SPMIP2: variants seen among roughly 807,000 people sequenced by gnomAD.
The protein encoded by SPMIP2 is sperm microtubule inner protein 2, also known as protein SPMIP2.
the SPMIP2 span, chr4:158,960,330 A>G: frequency 6.4e-7 from 1 of 1,565,376 alleles, no homozygotes; most frequent in Non-Finnish European, 8.8e-7. Flanking sequence ...GAGAAGCTTG[A>G]CTTAGTTCTT....
chr4:159,027,693 T>A, the SPMIP2 span, among the ~76,000 whole-genome samples: 21 of 152,346 alleles, frequency 1.4e-4, 1 homozygote, highest in Middle Eastern at 3.4e-3. Flanking sequence ...TGTGAAGTCA[T>A]TTTCTATTTT....
At chr4:158,980,062 C>A in the SPMIP2 span, among the ~76,000 whole-genome samples, 1 of 151,964 alleles carries the variant, frequency 6.6e-6, no homozygotes, top group African/African-American at 2.4e-5. Flanking sequence ...GGTGGTTTTC[C>A]CCTCACAGTG....
At chr4:158,928,647 A>C in the SPMIP2 span, among the ~76,000 whole-genome samples, 1 of 152,208 alleles carries the variant, frequency 6.6e-6, no homozygotes, top group African/African-American at 2.4e-5. Context: ...TGCCAGAGCC[A>C]GCAGTGGCAA....
At chr4:158,935,574 T>C in the SPMIP2 span, among the ~76,000 whole-genome samples, 1 of 152,222 alleles carries the variant, frequency 6.6e-6, no homozygotes, top group Non-Finnish European at 1.5e-5. Flanking sequence ...AAAAAAAAAG[T>C]GTCTGTCTCT....
At chr4:159,080,772 G>A in the SPMIP2 span, among the ~76,000 whole-genome samples, 2 of 152,014 alleles carry the variant, frequency 1.3e-5, no homozygotes, top group Non-Finnish European at 2.9e-5. Context: ...AGCCCAGGCT[G>A]GAGTGCAGTG....
the SPMIP2 span, among the ~76,000 whole-genome samples, chr4:158,941,928 G>A: frequency 6.6e-6 from 1 of 152,140 alleles, no homozygotes; most frequent in African/African-American, 2.4e-5. Flanking sequence ...GGTAGATTTG[G>A]AGGAGGTGAT....
At chr4:159,052,960 T>TTA in the SPMIP2 span, among the ~76,000 whole-genome samples, 1 of 136,194 alleles carries the variant, frequency 7.3e-6, no homozygotes, top group African/African-American at 2.7e-5. Context: ...TTATTATTTT[T>TTA]TTTTTTTTTT....
chr4:159,043,917 C>T, the SPMIP2 span, among the ~76,000 whole-genome samples: 50 of 152,284 alleles, frequency 3.3e-4, no homozygotes, highest in African/African-American at 1.2e-3. Flanking sequence ...AAATACGTGA[C>T]TATTGATCCC....
chr4:159,062,250 G>A, the SPMIP2 span, among the ~76,000 whole-genome samples: 1 of 152,186 alleles, frequency 6.6e-6, no homozygotes, highest in Non-Finnish European at 1.5e-5. Flanking sequence ...CTGGCAGGCT[G>A]CCTAGAAAGC....
the SPMIP2 span, among the ~76,000 whole-genome samples, chr4:159,002,096 A>G: frequency 6.6e-6 from 1 of 151,038 alleles, no homozygotes; most frequent in African/African-American, 2.4e-5. Flanking sequence ...TTTTTTTTTC[A>G]TATGCTTCTT....
chr4:159,076,205 T>C, the SPMIP2 span, among the ~76,000 whole-genome samples: 1 of 152,218 alleles, frequency 6.6e-6, no homozygotes, highest in South Asian at 2.1e-4. Context: ...CATTAAAACT[T>C]ATCCTCAAAC....
the SPMIP2 span, among the ~76,000 whole-genome samples, chr4:158,998,461 C>T: frequency 6.6e-6 from 1 of 152,256 alleles, no homozygotes; most frequent in Non-Finnish European, 1.5e-5. Context: ...CATAAAAGAA[C>T]GTACTTTTTA....
the SPMIP2 span, among the ~76,000 whole-genome samples, chr4:159,062,931 G>A: frequency 6.6e-6 from 1 of 150,936 alleles, no homozygotes; most frequent in East Asian, 1.9e-4. Context: ...GGGCTCAACG[G>A]ATACACCCAT....
the SPMIP2 span, among the ~76,000 whole-genome samples, chr4:158,997,513 G>A: frequency 1.3e-5 from 2 of 152,086 alleles, no homozygotes; most frequent in African/African-American, 2.4e-5. Context: ...GTAAGCCACC[G>A]GACCCAGCCA....
At chr4:158,964,175 AACAAAAC>A in the SPMIP2 span, among the ~76,000 whole-genome samples, 3 of 70,536 alleles carry the variant, frequency 4.3e-5, no homozygotes, top group East Asian at 9.2e-4. Context: ...AACAAAACAA[AACAAAAC>A]AAAACAAAAA....
chr4:158,963,920 G>A, the SPMIP2 span, among the ~76,000 whole-genome samples: 1 of 152,102 alleles, frequency 6.6e-6, no homozygotes, highest in Non-Finnish European at 1.5e-5. Flanking sequence ...CCAGCACTCT[G>A]GGAGGCGGGC....
the SPMIP2 span, among the ~76,000 whole-genome samples, chr4:159,030,829 A>C: frequency 3.9e-5 from 6 of 152,178 alleles, no homozygotes; most frequent in Non-Finnish European, 7.4e-5. Context: ...TTAGAAATCA[A>C]TAAAAATCCT....
the SPMIP2 span, among the ~76,000 whole-genome samples, chr4:158,973,462 TATTAATACTTATTTATA>T: frequency 6.6e-6 from 1 of 152,192 alleles, no homozygotes. Context: ...TGTTAATTCT[TATTAATACTTATTTATA>T]ATTAATAATT....
the SPMIP2 span, among the ~76,000 whole-genome samples, chr4:158,999,871 TAAAC>T: frequency 6.6e-6 from 1 of 152,206 alleles, no homozygotes; most frequent in Non-Finnish European, 1.5e-5. Flanking sequence ...TCTCTGTAAA[TAAAC>T]ATTTTTTTTT....
Sources: gnomAD v4.1 joint callset for allele counts (sites outside exome capture counted in the v4.1 genomes callset) on GRCh38, gnomAD v4.1.1 for gene constraint, MANE v1.5 for transcripts, NCBI Gene and HGNC (gene_info 2026-07-23, HGNC 2026-07-21) for gene names.